The following XDH variants were observed in gnomAD, a reference collection of about 807,000 sequenced individuals.
XDH encodes xanthine dehydrogenase, also known as xanthine dehydrogenase/oxidase.
Under a neutral mutation model 156.1 loss-of-function variants are expected in XDH, and 138 were observed. The ratio of observed to expected loss-of-function variants is 0.88; its 90% CI spans 0.77 to 1.02. The LOEUF (loss-of-function observed/expected upper bound fraction) is 1.02. Among genes scored for constraint, XDH ranks in the 50% least tolerant of loss-of-function variants. The pLI is 0.00. For missense variants in XDH, 1,849 were observed against 1,684.9 expected, an observed-to-expected ratio of 1.10 and a Z score of -1.71; for synonymous variants, 669 against 625.7, an observed-to-expected ratio of 1.07 and a Z score of -1.03.
intron 8 of XDH, 85 bp downstream of exon 8, chr2:31,387,726 G>C: frequency 7.9e-7 from 1 of 1,273,412 alleles, no homozygotes; most frequent in Non-Finnish European, 1.1e-6. Flanking sequence ...AAGACACAAA[G>C]TTCCCAGTGG....
rs1491163458 is a variant in XDH at position 31,343,499 on chromosome 2, CTT to C, written c.3404+1183_3404+1184del. Among the ~76,000 whole-genome samples the C allele has an allele frequency of 3.2e-3, 363 of 112,616 alleles. 1 individual carries two copies. The highest frequency in any genetic ancestry group is 0.013 in the African/African-American group (352 of 26,154). The allele number at this position is 112,616 out of a possible 152,430, so 73.9% of individuals were successfully genotyped here. On this transcript the variant is annotated intron_variant, in intron 31 of 35. Transcript: ENST00000379416. Reference sequence around the variant, plus strand: ...ATAATACATATATATGCCTTATATACTTATATATATGTATATAAAGCATACAT... The same window carrying C: ...ATAATACATATATATGCCTTATATACATATATATGTATATAAAGCATACAT...
intron 8 of XDH, 125 bp downstream of exon 8, chr2:31,387,686 G>C (rs552992462): frequency 1.5e-4 from 146 of 941,992 alleles, no homozygotes; most frequent in Non-Finnish European, 2.3e-4. Context: ...AAATGGAAGG[G>C]AAATTTAAGC....
chr2:31,385,045 T>C (rs1686549492), intron 9 of XDH, among the ~76,000 whole-genome samples: 1 of 152,142 alleles, frequency 6.6e-6, no homozygotes, highest in African/African-American at 2.4e-5. Flanking sequence ...GCCCAGGACA[T>C]TGGATGGCTC....
Position 31,383,066 on chromosome 2 carries a change from C to A in XDH, c.973G>T (p.Glu325Ter), listed in dbSNP as rs1228128595. Residue 325 changes from glutamate to a stop codon, truncating the protein, a stop_gained, in exon 11 of 36, where the codon GAG becomes TAG. Coordinates refer to ENST00000379416, the MANE Select transcript of XDH (RefSeq NM_000379.4). LOFTEE classifies it high-confidence loss of function. Reference protein sequence around the residue: ...AVAKLPAQKTEVFRGVLEQLR... With the variant: ...AVAKLPAQKT ...TGCTCCAGGACCCCTCTGAACACCT[C>A]TGTCTTTTGGGCAGGAAGCTTAGCA... The A allele has an allele frequency of 1.2e-6, 2 of 1,614,190 alleles. No homozygotes were observed. The highest frequency in any genetic ancestry group is 1.7e-5 in the Admixed American group (1 of 60,030).
rs1260151099 is a variant in XDH, at chr2:31,335,921, A to G, written c.*37T>C. 1.2e-6 allele frequency: 2 copies of G among 1,612,676 alleles called. No individual in the cohort carries two copies. Reference sequence around the variant, plus strand: ...GTTCCTCCTGCTCCATGGAAGCCCAAAGGCAGCACAAGAAGACTCTGCTGA... The same window carrying G: ...GTTCCTCCTGCTCCATGGAAGCCCAGAGGCAGCACAAGAAGACTCTGCTGA... On this transcript the variant is annotated 3_prime_UTR_variant, in exon 36 of 36. Coordinates refer to ENST00000379416, the MANE Select transcript of XDH (RefSeq NM_000379.4).
intron 30 of XDH, among the ~76,000 whole-genome samples, chr2:31,346,194 C>T (rs1211298714): frequency 6.6e-6 from 1 of 152,186 alleles, no homozygotes; most frequent in African/African-American, 2.4e-5. Flanking sequence ...CAAGAGACTC[C>T]CTTGCCCCTT....
intron 32 of XDH, among the ~76,000 whole-genome samples, chr2:31,341,830 TAAAAA>T (rs1685132172): frequency 6.6e-6 from 1 of 152,080 alleles, no homozygotes; most frequent in African/African-American, 2.4e-5. Flanking sequence ...ACTGGAAAAA[TAAAAA>T]GAAGAATATT....
At chr2:31,412,451 GA>G (rs200181293) in intron 1 of XDH, among the ~76,000 whole-genome samples, 14,655 of 152,032 alleles carry the variant, frequency 0.096, 833 homozygotes, top group Middle Eastern at 0.11. Flanking sequence ...TTGGACACAG[GA>G]AGGGGAACAT....
In XDH at chr2:31,335,546, A is replaced by C. The variant is rs987220735; in HGVS notation, c.*412T>G. ...GTTTGAAGGCCAGGCTTTCACAGGA[A>C]GGCACACGATTTAAAGTAACTTCGG... On this transcript the variant is annotated 3_prime_UTR_variant, in exon 36 of 36. Coordinates refer to ENST00000379416, the MANE Select transcript of XDH (RefSeq NM_000379.4). The C allele has an allele frequency of 3.5e-6, 1 of 288,396 alleles. No individual in the cohort carries two copies. Among genetic ancestry groups the C allele is most frequent in the Non-Finnish European group, 6.7e-6 (1 of 149,032 alleles). The allele number at this position is 288,396 out of a possible 1,614,324, so 17.9% of individuals were successfully genotyped here.
At position 31,342,314 on chromosome 2, in the gene XDH, A is replaced by C; in HGVS notation, c.3405-17T>G. On this transcript the variant is annotated splice_polypyrimidine_tract_variant and intron_variant, in intron 31 of 35. Coordinates refer to ENST00000379416, the MANE Select transcript of XDH (RefSeq NM_000379.4). ...TTGGGTGTTCTGGGAGAGGAAAGAGAAGGTACTGCACATGTATTAACATGA... is the reference window on the plus strand; with the variant it reads ...TTGGGTGTTCTGGGAGAGGAAAGAGCAGGTACTGCACATGTATTAACATGA... The C allele has an allele frequency of 6.2e-7, 1 of 1,601,608 alleles. No homozygotes were observed. The highest frequency in any genetic ancestry group is 8.6e-7 in the Non-Finnish European group (1 of 1,169,288).
At chr2:31,337,911 C>T (rs1685011250) in intron 34 of XDH, 94 bp from the exon 35 acceptor site, 2 of 1,396,206 alleles carry the variant, frequency 1.4e-6, no homozygotes, top group South Asian at 1.3e-5. Flanking sequence ...GCAAACTCTG[C>T]ACGAGGAGGG....
At chr2:31,348,652 G>A (rs1685367684) in intron 27 of XDH, among the ~76,000 whole-genome samples, 1 of 152,222 alleles carries the variant, frequency 6.6e-6, no homozygotes. Context: ...AAATAGAGTA[G>A]CTCTCTCCAG....
intron 4 of XDH, among the ~76,000 whole-genome samples, chr2:31,399,120 G>T (rs1686989545): frequency 6.6e-6 from 1 of 152,228 alleles, no homozygotes; most frequent in Non-Finnish European, 1.5e-5. Flanking sequence ...GTGATGTCTA[G>T]ATTTTTGTCT....
chr2:31,338,495 T>C (rs1380260659), intron 34 of XDH, among the ~76,000 whole-genome samples: 1 of 152,144 alleles, frequency 6.6e-6, no homozygotes, highest in Non-Finnish European at 1.5e-5. Context: ...TGACAGTCAA[T>C]GGCAAGGGTC....
chr2:31,341,215 T>C lies in XDH; in HGVS notation c.3585+114A>G, dbSNP rs1685114985. On this transcript the variant is annotated intron_variant, in intron 33 of 35. Coordinates refer to ENST00000379416, the MANE Select transcript of XDH (RefSeq NM_000379.4). ...GGGGGAAACTCCCTAGGTTCCATGT[T>C]TCAGCCTGTTTGAAGACAACCTTGG... 35 of 1,091,754 alleles carry C rather than the reference T, an allele frequency of 3.2e-5. No homozygotes were observed. In the South Asian group the frequency reaches 4.5e-4, roughly 14 times the overall value. 67.6% of individuals were successfully genotyped at this position (1,091,754 alleles called of 1,614,324 possible). A position where few individuals can be genotyped will look rare whatever the true frequency, so the allele number is the denominator to read the frequency against.
Position 31,347,650 on chromosome 2 carries a change from C to T in XDH, c.3148G>A (p.Val1050Met), listed in dbSNP as rs769109758. The T allele has an allele frequency of 4.3e-6, 7 of 1,613,420 alleles. No homozygotes were observed. The South Asian group carries it at 5.5e-5, about 13-fold the overall frequency. Residue 1050 changes from valine (V) to methionine (M), a missense_variant and splice_region_variant, in exon 29 of 36, where the codon GTG becomes ATG. Transcript: ENST00000379416. ...GQGLHTKMVQ[V>M]ASRALKIPTS... ...GGGATTTTCAGAGCTCTACTGGCCA[C>T]CTGCGAAAAGAGAAGACATTGCCCT... is the stretch of plus-strand genomic sequence containing the variant.
intron 31 of XDH, among the ~76,000 whole-genome samples, chr2:31,343,116 C>T (rs988130397): frequency 6.6e-6 from 1 of 151,780 alleles, no homozygotes; most frequent in South Asian, 2.1e-4. Flanking sequence ...AAAAAACCAC[C>T]ACCAATTCCT....
In XDH at chr2:31,348,977, C is replaced by T. The variant is rs758851019; in HGVS notation, c.2973G>A (p.Glu991=). 4 of 1,613,240 alleles carry T rather than the reference C, an allele frequency of 2.5e-6. No homozygotes were observed. The highest frequency in any genetic ancestry group is 2.7e-5 in the African/African-American group (2 of 75,030). Residue 991 remains glutamate (E), a synonymous_variant, in exon 27 of 36, where the codon GAG becomes GAA. Coordinates refer to ENST00000379416, the MANE Select transcript of XDH (RefSeq NM_000379.4). The part of the protein sequence containing the change: ...RKSEVDKFNK[E]NCWKKRGLCI... ...ACAATCCTCTCTTTTTCCAACAATT[C>T]TCCCTAGAGAAAAAGGAATATTCTT...
chr2:31,372,543 G>T, intron 16 of XDH, 146 bp from the exon 17 acceptor site: 3 of 1,029,336 alleles, frequency 2.9e-6, no homozygotes, highest in Non-Finnish European at 4.3e-6. Context: ...GGGGCAAAGG[G>T]AACAGGAAGG....
Sources: allele counts gnomAD v4.1 joint callset (sites outside exome capture counted in the v4.1 genomes callset), GRCh38; gene constraint gnomAD v4.1.1; transcripts MANE v1.5; gene names NCBI Gene and HGNC (gene_info 2026-07-23, HGNC 2026-07-21).